ZNF780A: variants seen among roughly 807,000 people sequenced by gnomAD.
ZNF780A encodes zinc finger protein 780A.
In ZNF780A, 40 loss-of-function variants were observed where a neutral mutation model predicts 56.7. That is an observed-to-expected ratio of 0.71 (90% CI 0.55 to 0.92). The LOEUF is 0.92. Among genes scored for constraint, ZNF780A ranks in the 40% least tolerant of loss-of-function variants. The probability of loss-of-function intolerance (pLI) is 0.00; values close to 1 mark genes in which losing one functional copy is unlikely to be tolerated. For missense variants in ZNF780A, 672 were observed against 783.3 expected (o/e 0.86, Z 1.70); for synonymous variants, 231 against 248.3 (o/e 0.93, Z 0.66).
At chr19:40,076,291 TCAATTCAAACCAA>T in intron 5 of ZNF780A, 82 bp from the exon 6 acceptor site, 1 of 1,355,094 alleles carries the variant, frequency 7.4e-7, no homozygotes, top group Non-Finnish European at 9.9e-7. Context: ...ACTGAAACCA[TCAATTCAAACCAA>T]TAAAACCTTT....
At chr19:40,082,826 T>A (rs1176484756) in intron 4 of ZNF780A, among the ~76,000 whole-genome samples, 3 of 152,124 alleles carry the variant, frequency 2.0e-5, no homozygotes, top group African/African-American at 7.2e-5. Context: ...TCTTAGACAA[T>A]ATCTTTCAAT....
chr19:40,069,296 G>A (rs1973739984), downstream of ZNF780A: 1 of 154,042 alleles, frequency 6.5e-6, no homozygotes, highest in Non-Finnish European at 1.4e-5. Context: ...GACATCACAT[G>A]GCAAGAGAGA....
downstream of ZNF780A, chr19:40,069,988 A>G (rs2144887891): frequency 6.6e-6 from 1 of 152,326 alleles, no homozygotes; most frequent in South Asian, 2.1e-4. Flanking sequence ...GGAGGGCCAA[A>G]TAAAAATCAG....
Position 40,084,816 on chromosome 19 carries a change from CA to C in ZNF780A, c.-45-19del. Reference sequence around the variant, plus strand: ...CTTCTCCCCTGGAAAACAACAACAACAAAAAGGCCACAATTAAAGCTGTGTC... The same window carrying C: ...CTTCTCCCCTGGAAAACAACAACAACAAAAGGCCACAATTAAAGCTGTGTC... On this transcript the variant is annotated intron_variant, in intron 2 of 5. Coordinates refer to ENST00000683561, the MANE Select transcript of ZNF780A (RefSeq NM_001142578.2). 1 of 1,549,814 alleles carries C rather than the reference CA, an allele frequency of 6.5e-7. No individual in the cohort carries two copies. Among genetic ancestry groups the C allele is most frequent in the Non-Finnish European group, 8.7e-7 (1 of 1,147,162 alleles).
Position 40,090,291 on chromosome 19 carries a change from AG to A in ZNF780A, c.-115-57del, listed in dbSNP as rs370301554. On this transcript the variant is annotated intron_variant, in intron 1 of 5. Coordinates refer to ENST00000683561, the MANE Select transcript of ZNF780A (RefSeq NM_001142578.2). ...CAGGCATTTCTTGGAGCGCAGACTA[AG>A]TTTGAAAACACCCTCCCTCCATAGC... The A allele has an allele frequency of 6.6e-3, 1,012 of 152,260 alleles. 6 individuals are homozygous for A. The highest frequency in any genetic ancestry group is 0.012 in the Non-Finnish European group (792 of 68,032). 9.4% of individuals were successfully genotyped at this position (152,260 alleles called of 1,614,324 possible).
At chr19:40,070,870 A>G (rs1973794580), downstream of ZNF780A, 1 of 152,128 alleles carries the variant, frequency 6.6e-6, no homozygotes, top group African/African-American at 2.4e-5. Flanking sequence ...ATGACCCATA[A>G]AGGAGTTGTG....
chr19:40,088,574 T>A (rs1250928001), intron 2 of ZNF780A, among the ~76,000 whole-genome samples: 7 of 152,210 alleles, frequency 4.6e-5, no homozygotes, highest in Admixed American at 2.6e-4. Flanking sequence ...ACAGCCATTA[T>A]GGAAAACAGT....
rs143384870 is a variant in ZNF780A at position 40,082,545 on chromosome 19, T to C, written c.136+566A>G. ...TGCATTCCCTTTAGTGTTAAATGAA[T>C]TTCTGTCAACCCAATCAGTATACGT... On this transcript the variant is annotated intron_variant, in intron 4 of 5. Coordinates refer to ENST00000683561, the MANE Select transcript of ZNF780A (RefSeq NM_001142578.2). Among the ~76,000 whole-genome samples the C allele has an allele frequency of 4.5e-3, 684 of 152,296 alleles. 5 individuals carry two copies. Among genetic ancestry groups the C allele is most frequent in the African/African-American group, 0.016 (661 of 41,552 alleles).
chr19:40,087,278 A>G (rs1974860138), intron 2 of ZNF780A, among the ~76,000 whole-genome samples: 1 of 152,132 alleles, frequency 6.6e-6, no homozygotes, highest in Non-Finnish European at 1.5e-5. Context: ...GTGCTGGATA[A>G]TTCTTAGATG....
At chr19:40,082,413 A>T (rs1436662691) in intron 4 of ZNF780A, among the ~76,000 whole-genome samples, 1 of 152,222 alleles carries the variant, frequency 6.6e-6, no homozygotes, top group Admixed American at 6.5e-5. Flanking sequence ...TTGCATCCTT[A>T]GACATTTATA....
In ZNF780A at chr19:40,074,440, T is replaced by C; in HGVS notation, c.*76A>G. On this transcript the variant is annotated 3_prime_UTR_variant, in exon 6 of 6. Transcript: ENST00000683561. ...TCCCACACCCCTTACATTCACATGG[T>C]TTTACACCAGCACGAATACTCTGAT... 6.3e-7 allele frequency: 1 copy of C among 1,587,938 alleles called. No individual in the cohort carries two copies. Among genetic ancestry groups the C allele is most frequent in the South Asian group, 1.2e-5 (1 of 85,296 alleles).
intron 2 of ZNF780A, among the ~76,000 whole-genome samples, chr19:40,087,392 G>A (rs1051564484): frequency 5.3e-5 from 8 of 152,054 alleles, no homozygotes; most frequent in Non-Finnish European, 1.0e-4. Context: ...CATGACAACC[G>A]AAAGTTTCTA....
rs1974036140 is a variant in ZNF780A at position 40,075,163 on chromosome 19, T to C, written c.1279A>G (p.Asn427Asp). The C allele has an allele frequency of 6.2e-7, 1 of 1,613,122 alleles. No homozygotes were observed. The highest frequency in any genetic ancestry group is 2.2e-5 in the East Asian group (1 of 44,712). Residue 427 changes from asparagine (N) to aspartate (D), a missense_variant, in exon 6 of 6, where the codon AAT becomes GAT. Coordinates refer to ENST00000683561, the MANE Select transcript of ZNF780A (RefSeq NM_001142578.2). ...TGCTGAATAAGGTGTGCACCACGATTAAAGCCTTTCCCACACTCCTTACAT... is the reference window on the plus strand; with the variant it reads ...TGCTGAATAAGGTGTGCACCACGATCAAAGCCTTTCCCACACTCCTTACAT... ...YECKECGKGF[N>D]RGAHLIQHQK...
At chr19:40,070,179 C>G (rs570537646), downstream of ZNF780A, 1 of 152,002 alleles carries the variant, frequency 6.6e-6, no homozygotes, top group Admixed American at 6.6e-5. Flanking sequence ...TATGAATAAG[C>G]AATATATAAA....
At position 40,073,521 on chromosome 19, in the gene ZNF780A, G is replaced by A. The variant is rs1412196194; in HGVS notation, c.*995C>T. 1.4e-5 allele frequency: 14 copies of A among 985,700 alleles called. No individual in the cohort carries two copies. The highest frequency in any genetic ancestry group is 1.7e-5 in the African/African-American group (1 of 57,238). The allele number at this position is 985,700 out of a possible 1,614,324, so 61.1% of individuals were successfully genotyped here. ...CAATAACTGCAATGCACAATTCAGC[G>A]AGGTATGCCTGTATCTGGTAAATTA... On this transcript the variant is annotated 3_prime_UTR_variant, in exon 6 of 6. Coordinates refer to ENST00000683561, the MANE Select transcript of ZNF780A (RefSeq NM_001142578.2).
chr19:40,075,702 T>C lies in ZNF780A; in HGVS notation c.740A>G (p.Lys247Arg). 6.2e-7 allele frequency: 1 copy of C among 1,614,082 alleles called. No homozygotes were observed. Among genetic ancestry groups the C allele is most frequent in the Non-Finnish European group, 8.5e-7 (1 of 1,180,008 alleles). The change falls in exon 6 of 6, where the codon AAA (lysine) becomes AGA (arginine). Residue 247 changes from lysine to arginine, a missense_variant. Coordinates refer to ENST00000683561, the MANE Select transcript of ZNF780A (RefSeq NM_001142578.2). The stretch of plus-strand genomic sequence containing the variant: ...CCCACATTCCTTACATTCAAACAGT[T>C]TCTCACCTGTGTGAATGTTCTTATG... Reference protein sequence around the residue: ...NRHKNIHTGEKLFECKECGKS... With the variant: ...NRHKNIHTGERLFECKECGKS...
chr19:40,089,865 A>C (rs995429313), intron 2 of ZNF780A, among the ~76,000 whole-genome samples: 4 of 152,224 alleles, frequency 2.6e-5, no homozygotes, highest in African/African-American at 9.6e-5. Context: ...GTAAAGACCA[A>C]CTGATGTCTA....
intron 5 of ZNF780A, among the ~76,000 whole-genome samples, chr19:40,078,832 C>A (rs1353269773): frequency 6.6e-6 from 1 of 152,114 alleles, no homozygotes; most frequent in Non-Finnish European, 1.5e-5. Flanking sequence ...ATAAAACCCA[C>A]TGACACAGCA....
At chr19:40,077,442 T>C (rs1974205964) in intron 5 of ZNF780A, among the ~76,000 whole-genome samples, 1 of 152,062 alleles carries the variant, frequency 6.6e-6, no homozygotes, top group African/African-American at 2.4e-5. Context: ...CATATACTTT[T>C]AAACAACCAG....
Sources: allele counts gnomAD v4.1 joint callset (sites outside exome capture counted in the v4.1 genomes callset), GRCh38; gene constraint gnomAD v4.1.1; transcripts MANE v1.5; gene names NCBI Gene and HGNC (gene_info 2026-07-23, HGNC 2026-07-21).